Variants in AMPD3 observed in about 807,000 individuals in gnomAD.
The protein encoded by AMPD3 is adenosine monophosphate deaminase 3.
Under a neutral mutation model 82.3 loss-of-function variants are expected in AMPD3, and 57 were observed. The observed-to-expected ratio is 0.69, with a 90% CI of 0.56 to 0.86. The LOEUF is 0.86. Ranked by LOEUF, AMPD3 falls within the 40% of genes least tolerant of loss-of-function variation. The probability of loss-of-function intolerance (pLI) is 0.00; values close to 1 mark genes in which losing one functional copy is unlikely to be tolerated. For synonymous variants in AMPD3, 381 were observed against 394.7 expected, an observed-to-expected ratio of 0.97 and a Z score of 0.41; for missense variants, 870 against 1,003.8, an observed-to-expected ratio of 0.87 and a Z score of 1.80.
At chr11:10,466,112 A>G (rs892183459) in intron 2 of AMPD3, among the ~76,000 whole-genome samples, 2 of 152,088 alleles carry the variant, frequency 1.3e-5, no homozygotes, top group African/African-American at 4.8e-5. Context: ...AAATACAAAG[A>G]TTAGCCGGGC....
Position 10,506,661 on chromosome 11 carries a change from A to AT in AMPD3, c.*781dup, listed in dbSNP as rs1389922964. The AT allele has an allele frequency of 6.6e-6, 1 of 152,582 alleles. No homozygotes were observed. The highest frequency in any genetic ancestry group is 1.5e-5 in the Non-Finnish European group (1 of 68,110). 9.5% of individuals were successfully genotyped at this position (152,582 alleles called of 1,614,324 possible). A position where few individuals can be genotyped will look rare whatever the true frequency, so the allele number is the denominator to read the frequency against. On this transcript the variant is annotated 3_prime_UTR_variant, in exon 15 of 15. Transcript: ENST00000396553. The surrounding 1 kb of genome is among the most constrained non-coding windows in gnomAD (Gnocchi z 4.1). Reference sequence around the variant, plus strand: ...TTTTACACTGGGGCTGCTACATAATATTTTCATTTGAACGAAGAACTTCAA... The same window carrying AT: ...TTTTACACTGGGGCTGCTACATAATATTTTTCATTTGAACGAAGAACTTCAA...
At chr11:10,497,538 C>T in intron 10 of AMPD3, 3 of 981,632 alleles carry the variant, frequency 3.1e-6, no homozygotes, top group Non-Finnish European at 3.6e-6. Context: ...AGGCCAGTGC[C>T]TGGTGATGGA....
chr11:10,501,534 C>G lies in AMPD3; in HGVS notation c.1786C>G (p.Leu596Val), dbSNP rs1432452960. Residue 596 changes from leucine (L) to valine (V), a missense_variant, in exon 12 of 15, where the codon CTG becomes GTG. Physicochemically the swap from Leu to Val is conservative, Grantham distance 32. Coordinates refer to ENST00000396553, the MANE Select transcript of AMPD3 (RefSeq NM_001025389.2). ...TGGGGAAGCCGGCTCCATCACCCAC[C>G]TGGTGTCTGCCTTCCTCACTGCTGA... ...HCGEAGSITH[L>V]VSAFLTADNI... The G allele has an allele frequency of 6.2e-7, 1 of 1,614,158 alleles. No individual in the cohort carries two copies.
chr11:10,504,199 G>A, intron 13 of AMPD3: 10 of 984,736 alleles, frequency 1.0e-5, no homozygotes, highest in Non-Finnish European at 1.2e-5. Context: ...AAAATAGTGT[G>A]TTAAAAAGAA....
chr11:10,486,733 C>G, intron 5 of AMPD3: 2 of 985,428 alleles, frequency 2.0e-6, no homozygotes, highest in South Asian at 4.7e-5. Flanking sequence ...TATAGTTTGA[C>G]TGTGTTATCA....
At chr11:10,495,760 C>T (rs879360368) in intron 9 of AMPD3, 27 bp downstream of exon 9, 16 of 1,613,408 alleles carry the variant, frequency 9.9e-6, no homozygotes, top group African/African-American at 1.3e-5. Context: ...GCTGTCTACC[C>T]TGTGCCCTAC....
intron 2 of AMPD3, 26 bp from the exon 3 acceptor site, chr11:10,478,500 C>T (rs371548091): frequency 4.3e-5 from 69 of 1,613,394 alleles, no homozygotes; most frequent in Non-Finnish European, 5.8e-5. Context: ...TGATGTCTCC[C>T]ACTTTTCCTT....
intron 4 of AMPD3, chr11:10,484,247 G>A: frequency 1.0e-6 from 1 of 985,354 alleles, no homozygotes; most frequent in Non-Finnish European, 1.2e-6. Context: ...ACCTATAGTG[G>A]TTGGGGGCAG....
Position 10,484,966 on chromosome 11 carries a change from C to T in AMPD3, c.736C>T (p.Leu246=), listed in dbSNP as rs769907259. The change falls in exon 5 of 15, where the codon CTA becomes TTA. Residue 246 remains leucine (L), a synonymous_variant. Coordinates refer to ENST00000396553, the MANE Select transcript of AMPD3 (RefSeq NM_001025389.2). ...KMLEHQEPHS[L]PYPDLETYTV... ...GCTGGAGCACCAGGAGCCGCACAGC[C>T]TACCCTACCCCGACCTGGAGACCTA... 1 of 1,604,226 alleles carries T rather than the reference C, an allele frequency of 6.2e-7. No individual in the cohort carries two copies. The highest frequency in any genetic ancestry group is 1.1e-5 in the South Asian group (1 of 90,290).
chr11:10,483,073 G>A (rs1465800842), intron 4 of AMPD3, among the ~76,000 whole-genome samples: 1 of 152,162 alleles, frequency 6.6e-6, no homozygotes, highest in Non-Finnish European at 1.5e-5. Context: ...TATCTCCCAG[G>A]GCTGTCGTGA....
At chr11:10,491,418 C>T (rs1463635744) in intron 6 of AMPD3, among the ~76,000 whole-genome samples, 2 of 152,118 alleles carry the variant, frequency 1.3e-5, no homozygotes, top group African/African-American at 4.8e-5. Flanking sequence ...TTAGCAGAGC[C>T]CTCATCCTAA....
chr11:10,505,069 G>A (rs573286283), intron 14 of AMPD3: 2 of 971,126 alleles, frequency 2.1e-6, no homozygotes, highest in African/African-American at 1.8e-5. Context: ...CTGGCACATA[G>A]CAGGCGCTCA....
In AMPD3 at chr11:10,505,928, AG is replaced by A; in HGVS notation, c.*45del. The A allele has an allele frequency of 6.2e-7, 1 of 1,609,022 alleles. No individual in the cohort carries two copies. Among genetic ancestry groups the A allele is most frequent in the South Asian group, 1.1e-5 (1 of 90,966 alleles). On this transcript the variant is annotated 3_prime_UTR_variant, in exon 15 of 15. Transcript: ENST00000396553. The stretch of plus-strand genomic sequence containing the variant: ...ATTTTAACTTTTTGGTTCAATTTCA[AG>A]TCTGCTGTGGCTAATAGTGGTCAAG...
chr11:10,495,154 G>T (rs547029839), intron 8 of AMPD3, 124 bp downstream of exon 8: 1 of 1,600,840 alleles, frequency 6.2e-7, no homozygotes, highest in Non-Finnish European at 8.5e-7. Flanking sequence ...GCTCAGGGAA[G>T]GGTGAGGTGC....
intron 2 of AMPD3, among the ~76,000 whole-genome samples, chr11:10,463,041 C>G (rs1003020746): frequency 1.3e-5 from 2 of 152,158 alleles, no homozygotes. Flanking sequence ...AGCCCTCATC[C>G]TTTCACAGTT....
chr11:10,468,361 A>T lies in AMPD3; in HGVS notation c.221+6621A>T, dbSNP rs192402754. 5.9e-4 allele frequency among the ~76,000 whole-genome samples: 90 copies of T among 152,218 alleles called. No homozygotes were observed. In the East Asian group the frequency reaches 0.016, roughly 28 times the overall value. On this transcript the variant is annotated intron_variant, in intron 2 of 14. Transcript: ENST00000396553. The stretch of plus-strand genomic sequence containing the variant: ...ATGGAAAGAAAAAAAAAAAAGCAGA[A>T]GTTGCAAGTTTAACCTCTGATAAAA...
intron 13 of AMPD3, among the ~76,000 whole-genome samples, chr11:10,503,459 A>T (rs980965396): frequency 3.9e-5 from 6 of 152,208 alleles, no homozygotes; most frequent in Non-Finnish European, 8.8e-5. Flanking sequence ...ATTGCTTAAC[A>T]AAAACAGAAG....
At chr11:10,499,929 G>T (rs1372843281) in intron 10 of AMPD3, 157 bp from the exon 11 acceptor site, 1 of 982,314 alleles carries the variant, frequency 1.0e-6, no homozygotes, top group Non-Finnish European at 1.2e-6. Flanking sequence ...TCCCTGGGAG[G>T]AATATGGCCT....
upstream of AMPD3, chr11:10,450,716 G>A (rs528385857): frequency 5.8e-5 from 64 of 1,096,116 alleles, no homozygotes; most frequent in African/African-American, 7.8e-4. Context: ...GGCGCGGCCC[G>A]GGCGCTTCAG....
Sources: gnomAD v4.1 joint callset for allele counts (sites outside exome capture counted in the v4.1 genomes callset) on GRCh38, gnomAD v4.1.1 for gene constraint, Gnocchi (gnomAD v3.1) non-coding constraint, MANE v1.5 for transcripts, NCBI Gene and HGNC (gene_info 2026-07-23, HGNC 2026-07-21) for gene names.